TAFA1: variants seen among roughly 807,000 people sequenced by gnomAD.
TAFA1 encodes TAFA chemokine like family member 1, also known as chemokine-like protein TAFA-1.
TAFA1 carries 4 observed loss-of-function variants against 18.5 expected under a neutral mutation model. The observed-to-expected ratio is 0.22, with a 90% CI of 0.11 to 0.49. The LOEUF (loss-of-function observed/expected upper bound fraction) is 0.49, where lower values mean the gene tolerates loss of function less well. Among genes scored for constraint, TAFA1 ranks in the 20% least tolerant of loss-of-function variants. The pLI, the probability that TAFA1 is intolerant of heterozygous loss-of-function variation, is 0.98. For synonymous variants in TAFA1, 56 were observed against 55.2 expected (o/e 1.01, Z -0.06); for missense variants, 147 against 169.0 (o/e 0.87, Z 0.72).
At chr3:68,464,291 A>T (rs2071841083) in intron 3 of TAFA1, among the ~76,000 whole-genome samples, 1 of 152,204 alleles carries the variant, frequency 6.6e-6, no homozygotes, top group Admixed American at 6.6e-5. Context: ...AAGAATATAA[A>T]TGCATTCCTA....
At chr3:68,305,183 A>G (rs986316049) in intron 2 of TAFA1, among the ~76,000 whole-genome samples, 1 of 149,960 alleles carries the variant, frequency 6.7e-6, no homozygotes, top group Admixed American at 6.7e-5. Flanking sequence ...CAGGTGCATA[A>G]CTCTAGTTTC....
At chr3:68,188,212 T>A (rs997398638) in intron 2 of TAFA1, among the ~76,000 whole-genome samples, 1 of 151,908 alleles carries the variant, frequency 6.6e-6, no homozygotes, top group African/African-American at 2.4e-5. Flanking sequence ...GTTTAGGAAA[T>A]TCTAAATTAG....
At chr3:68,267,948 A>C (rs1394198429) in intron 2 of TAFA1, among the ~76,000 whole-genome samples, 1 of 152,192 alleles carries the variant, frequency 6.6e-6, no homozygotes, top group Non-Finnish European at 1.5e-5. Context: ...AAACTGGCAA[A>C]GATAACTTAG....
chr3:68,098,434 A>T (rs1301771819), intron 2 of TAFA1, among the ~76,000 whole-genome samples: 3 of 152,136 alleles, frequency 2.0e-5, no homozygotes, highest in Non-Finnish European at 4.4e-5. Context: ...AAATATATAA[A>T]GGCATTAACT....
In TAFA1 at chr3:68,457,769, G is replaced by T. The variant is rs562004045; in HGVS notation, c.259+40349G>T. Among the ~76,000 whole-genome samples, 4 of 152,080 alleles carry T rather than the reference G, an allele frequency of 2.6e-5. No individual in the cohort carries two copies. In the East Asian group the frequency reaches 5.8e-4, roughly 22 times the overall value. On this transcript the variant is annotated intron_variant, in intron 3 of 4. Transcript: ENST00000478136. ...TTCTAACTGAAATTTTTTATCCTTT[G>T]ATCAGCATCTTCCCAGTCCCCTCCT...
At chr3:68,299,557 A>G (rs1320578638) in intron 2 of TAFA1, among the ~76,000 whole-genome samples, 1 of 152,246 alleles carries the variant, frequency 6.6e-6, no homozygotes, top group Non-Finnish European at 1.5e-5. Flanking sequence ...CTGAGGAGAA[A>G]TTCAAGCTGG....
intron 2 of TAFA1, among the ~76,000 whole-genome samples, chr3:68,303,148 G>A (rs1169244862): frequency 1.3e-5 from 2 of 150,192 alleles, no homozygotes; most frequent in Non-Finnish European, 3.0e-5. Flanking sequence ...ATGAATGAAA[G>A]TACTTTTACT....
intron 2 of TAFA1, among the ~76,000 whole-genome samples, chr3:68,010,141 TC>T (rs1704442048): frequency 6.6e-6 from 1 of 152,172 alleles, no homozygotes; most frequent in African/African-American, 2.4e-5. Flanking sequence ...GACAAATCTT[TC>T]ACTCAGAGCC....
At chr3:68,336,757 A>G (rs1027407772) in intron 2 of TAFA1, among the ~76,000 whole-genome samples, 1 of 152,064 alleles carries the variant, frequency 6.6e-6, no homozygotes, top group Non-Finnish European at 1.5e-5. Flanking sequence ...TGGAGTTTTG[A>G]TCTGTCACCA....
At chr3:68,014,447 A>T (rs545150698) in intron 2 of TAFA1, among the ~76,000 whole-genome samples, 1 of 152,212 alleles carries the variant, frequency 6.6e-6, no homozygotes, top group Non-Finnish European at 1.5e-5. Context: ...TCAAATGGTA[A>T]TGAGGAAAGA....
At chr3:68,518,148 T>C (rs2072954568) in intron 3 of TAFA1, among the ~76,000 whole-genome samples, 2 of 152,220 alleles carry the variant, frequency 1.3e-5, no homozygotes, top group South Asian at 4.1e-4. Context: ...CTCTCAACTC[T>C]GGATTAGATC....
rs1575659788 is a variant in TAFA1, at chr3:68,172,415, A to G, written c.118+165671A>G. Among the ~76,000 whole-genome samples, 3 of 152,292 alleles carry G rather than the reference A, an allele frequency of 2.0e-5. No individual in the cohort carries two copies. In the South Asian group the frequency reaches 6.2e-4, roughly 32 times the overall value. ...CAACTGTTGATAAGGATGGAGAGGA[A>G]CTGGAACCCTCATGCATGCATACAT... On this transcript the variant is annotated intron_variant, in intron 2 of 4. Coordinates refer to ENST00000478136, the MANE Select transcript of TAFA1 (RefSeq NM_213609.4).
chr3:68,089,389 A>T (rs1438859734), intron 2 of TAFA1, among the ~76,000 whole-genome samples: 1 of 152,226 alleles, frequency 6.6e-6, no homozygotes. Context: ...CCTCTTCATT[A>T]CAATGATGGA....
intron 2 of TAFA1, among the ~76,000 whole-genome samples, chr3:68,292,161 T>A (rs1011379290): frequency 2.0e-5 from 3 of 152,134 alleles, no homozygotes; most frequent in African/African-American, 7.2e-5. Flanking sequence ...CAGTTAAGCA[T>A]ATTTAGAACA....
intron 2 of TAFA1, among the ~76,000 whole-genome samples, chr3:68,311,302 C>T (rs1416134964): frequency 2.8e-5 from 1 of 35,878 alleles, no homozygotes. Flanking sequence ...TGGCCTCTCT[C>T]AAATTTCATC....
At chr3:68,074,473 G>A (rs2064799584) in intron 2 of TAFA1, among the ~76,000 whole-genome samples, 1 of 151,794 alleles carries the variant, frequency 6.6e-6, no homozygotes, top group Admixed American at 6.6e-5. Context: ...TATGACCTTG[G>A]GCAAATATTA....
chr3:68,198,777 C>T (rs76871292), intron 2 of TAFA1, among the ~76,000 whole-genome samples: 1 of 151,434 alleles, frequency 6.6e-6, no homozygotes. Flanking sequence ...AGTCCTTTAT[C>T]AGATATGCCT....
intron 2 of TAFA1, among the ~76,000 whole-genome samples, chr3:68,202,916 A>C (rs1303642708): frequency 6.6e-6 from 1 of 151,654 alleles, no homozygotes; most frequent in African/African-American, 2.4e-5. Flanking sequence ...TCTTTTCTTA[A>C]TAGATCTTTT....
chr3:68,152,976 A>G (rs1420791795), intron 2 of TAFA1, among the ~76,000 whole-genome samples: 2 of 152,122 alleles, frequency 1.3e-5, no homozygotes, highest in African/African-American at 4.8e-5. Context: ...CTTATAAGTC[A>G]CATGAACTGA....
Sources: gnomAD v4.1 joint callset for allele counts (sites outside exome capture counted in the v4.1 genomes callset) on GRCh38, gnomAD v4.1.1 for gene constraint, MANE v1.5 for transcripts, NCBI Gene and HGNC (gene_info 2026-07-23, HGNC 2026-07-21) for gene names.